CA10: variants seen among roughly 807,000 people sequenced by gnomAD.
CA10 encodes the protein carbonic anhydrase 10 (inactive).
A neutral mutation model predicts 44.2 loss-of-function variants in CA10; 14 were observed. The ratio of observed to expected loss-of-function variants is 0.32; its 90% CI spans 0.21 to 0.50. The LOEUF (loss-of-function observed/expected upper bound fraction) is 0.50, where lower values mean the gene tolerates loss of function less well. CA10 is among the 20% of genes least tolerant of loss of function. CA10 has a pLI of 0.99. For missense variants in CA10, 350 were observed against 409.7 expected, an observed-to-expected ratio of 0.85 and a Z score of 1.26; for synonymous variants, 159 against 141.6, an observed-to-expected ratio of 1.12 and a Z score of -0.87.
At chr17:51,736,879 G>A (rs1024515611) in intron 4 of CA10, among the ~76,000 whole-genome samples, 8 of 152,148 alleles carry the variant, frequency 5.3e-5, no homozygotes, top group East Asian at 1.9e-4. Context: ...AAGGTCCTCC[G>A]CAGGAACACA....
At chr17:51,645,624 G>T (rs977797453) in intron 6 of CA10, among the ~76,000 whole-genome samples, 1 of 152,162 alleles carries the variant, frequency 6.6e-6, no homozygotes, top group East Asian at 1.9e-4. Flanking sequence ...GGAATTAAGA[G>T]AAAAACATGC....
chr17:52,143,143 C>T (rs956998324), intron 1 of CA10, among the ~76,000 whole-genome samples: 5 of 152,044 alleles, frequency 3.3e-5, no homozygotes, highest in Admixed American at 6.5e-5. Flanking sequence ...AAATTTAATA[C>T]AATCCCAGTG....
In CA10 at chr17:52,093,716, GC is replaced by G. The variant is rs139479382; in HGVS notation, c.62-21324del. On this transcript the variant is annotated intron_variant, in intron 1 of 8. Transcript: ENST00000451037. ...AATATTTTGAATGCAAGAGACCAGT[GC>G]TCCTAAGTATTGCTAGCTTTTATGC... is the stretch of plus-strand genomic sequence containing the variant. 8.5e-3 allele frequency among the ~76,000 whole-genome samples: 1,294 copies of G among 152,218 alleles called. 18 individuals are homozygous for G. Among genetic ancestry groups the G allele is most frequent in the African/African-American group, 0.03 (1,226 of 41,522 alleles).
intron 2 of CA10, among the ~76,000 whole-genome samples, chr17:52,065,526 C>T (rs1293384079): frequency 6.6e-6 from 1 of 152,162 alleles, no homozygotes; most frequent in Non-Finnish European, 1.5e-5. Flanking sequence ...AGGTCCCTAA[C>T]TCTAGAAGCT....
At chr17:51,668,867 G>A (rs1031094988) in intron 4 of CA10, among the ~76,000 whole-genome samples, 6 of 152,210 alleles carry the variant, frequency 3.9e-5, no homozygotes, top group Admixed American at 2.0e-4. Context: ...CACTTGGAGC[G>A]GCCGGCCGGC....
intron 2 of CA10, among the ~76,000 whole-genome samples, chr17:51,972,758 AAGGAG>A (rs1984326811): frequency 6.6e-6 from 1 of 152,126 alleles, no homozygotes; most frequent in South Asian, 2.1e-4. Flanking sequence ...TTAGTAAGTA[AAGGAG>A]AGAAGTAATA....
chr17:52,157,056 A>T (rs921589091), intron 1 of CA10, among the ~76,000 whole-genome samples: 7 of 152,236 alleles, frequency 4.6e-5, no homozygotes, highest in African/African-American at 1.4e-4. Context: ...AGGCCCAAGT[A>T]GACTGAGAGG....
intron 3 of CA10, among the ~76,000 whole-genome samples, chr17:51,820,818 C>T (rs1003309413): frequency 2.0e-5 from 3 of 152,028 alleles, no homozygotes; most frequent in Non-Finnish European, 4.4e-5. Context: ...TAATACATTG[C>T]ATCTAACTTG....
chr17:52,060,679 GGATT>G (rs1987358817), intron 2 of CA10, among the ~76,000 whole-genome samples: 1 of 152,098 alleles, frequency 6.6e-6, no homozygotes, highest in African/African-American at 2.4e-5. Flanking sequence ...AGTTTTCAGT[GGATT>G]AATCTGGCAT....
chr17:51,732,462 C>T (rs1013167112), intron 4 of CA10, among the ~76,000 whole-genome samples: 8 of 152,200 alleles, frequency 5.3e-5, no homozygotes, highest in Non-Finnish European at 1.0e-4. Context: ...TCTCCATCCC[C>T]CTAATTTGAG....
chr17:51,665,775 T>C (rs957220557), intron 4 of CA10, among the ~76,000 whole-genome samples: 10 of 152,324 alleles, frequency 6.6e-5, no homozygotes, highest in Middle Eastern at 6.8e-3. Flanking sequence ...GATATTGTAG[T>C]CTTAGGGGAC....
rs1299340417 is a variant in CA10 at position 51,630,389 on chromosome 17, AAAAG to A, written c.*1191_*1194del. ...ACAGTGAGTGACCATTATAAACAAGAAAAGAAAGGCATTCGTTTTGTACTTTGTG... is the reference window on the plus strand; with the variant it reads ...ACAGTGAGTGACCATTATAAACAAGAAAAGGCATTCGTTTTGTACTTTGTG... On this transcript the variant is annotated 3_prime_UTR_variant, in exon 9 of 9. Coordinates refer to ENST00000451037, the MANE Select transcript of CA10 (RefSeq NM_020178.5). The A allele has an allele frequency of 6.6e-6, 1 of 152,654 alleles. No individual in the cohort carries two copies. The highest frequency in any genetic ancestry group is 1.5e-5 in the Non-Finnish European group (1 of 68,048). 9.5% of individuals were successfully genotyped at this position (152,654 alleles called of 1,614,324 possible).
At chr17:51,652,850 G>T (rs958963655) in intron 5 of CA10, among the ~76,000 whole-genome samples, 2 of 152,020 alleles carry the variant, frequency 1.3e-5, no homozygotes, top group Non-Finnish European at 2.9e-5. Flanking sequence ...ACATCCCCAG[G>T]GGCTAGCATG....
Position 51,937,494 on chromosome 17 carries a change from C to T in CA10, c.137-6362G>A, listed in dbSNP as rs1336370685. Among the ~76,000 whole-genome samples, 3 of 152,104 alleles carry T rather than the reference C, an allele frequency of 2.0e-5. No individual in the cohort carries two copies. In the East Asian group the frequency reaches 5.8e-4, roughly 29 times the overall value. The stretch of plus-strand genomic sequence containing the variant: ...CTCTGACTCATAGCACATGGAGGGT[C>T]TTTAACTAGGGCTGCCCATTGTTAA... On this transcript the variant is annotated intron_variant, in intron 2 of 8. Transcript: ENST00000451037.
intron 2 of CA10, among the ~76,000 whole-genome samples, chr17:52,006,068 G>A (rs1231118684): frequency 6.6e-6 from 1 of 151,896 alleles, no homozygotes; most frequent in African/African-American, 2.4e-5. Context: ...GATGGCCAAA[G>A]AGAGATGATG....
chr17:51,856,380 A>C lies in CA10; in HGVS notation c.279+74610T>G, dbSNP rs565050608. On this transcript the variant is annotated intron_variant, in intron 3 of 8. Coordinates refer to ENST00000451037, the MANE Select transcript of CA10 (RefSeq NM_020178.5). ...TCAGTAAAACAACAACAACAACAAC[A>C]ACAACAACAACAACTCCCCTGGTCT... 2.6e-5 allele frequency among the ~76,000 whole-genome samples: 4 copies of C among 152,102 alleles called. No homozygotes were observed. In the East Asian group the frequency reaches 7.7e-4, roughly 29 times the overall value.
intron 8 of CA10, among the ~76,000 whole-genome samples, chr17:51,632,606 A>C (rs1209389370): frequency 6.6e-6 from 1 of 152,148 alleles, no homozygotes; most frequent in Admixed American, 6.6e-5. Flanking sequence ...ACAAACTGTG[A>C]AGTAGATGGC....
intron 2 of CA10, among the ~76,000 whole-genome samples, chr17:51,956,170 GAT>G (rs1420841273): frequency 1.5e-4 from 1 of 6,772 alleles, no homozygotes; most frequent in African/African-American, 1.6e-4. Context: ...ATTTGATTCA[GAT>G]TTTTTTTTAA....
In CA10 at chr17:52,120,656, G is replaced by C. The variant is rs144636277; in HGVS notation, c.61+37070C>G. 2.0e-3 allele frequency among the ~76,000 whole-genome samples: 301 copies of C among 152,280 alleles called. 2 individuals carry two copies. Among genetic ancestry groups the C allele is most frequent in the African/African-American group, 7.0e-3 (290 of 41,568 alleles). On this transcript the variant is annotated intron_variant, in intron 1 of 8. Transcript: ENST00000451037. ...TGTGCAGCTGGGGGAACCTGCACAG[G>C]GTCTTGCCTGGGCATGCCCACAAGG...
Sources: allele counts gnomAD v4.1 joint callset (sites outside exome capture counted in the v4.1 genomes callset), GRCh38; gene constraint gnomAD v4.1.1; transcripts MANE v1.5; gene names NCBI Gene and HGNC (gene_info 2026-07-23, HGNC 2026-07-21).